DDAH1: variants seen among roughly 807,000 people sequenced by gnomAD.
DDAH1 encodes the protein N(G),N(G)-dimethylarginine dimethylaminohydrolase 1.
In DDAH1, 19 loss-of-function variants were observed where a neutral mutation model predicts 28.8. That is an observed-to-expected ratio of 0.66 (90% CI 0.46 to 0.97). The LOEUF (loss-of-function observed/expected upper bound fraction) is 0.97, where lower values mean the gene tolerates loss of function less well. Among genes scored for constraint, DDAH1 ranks in the 50% least tolerant of loss-of-function variants. The pLI is 0.00. For synonymous variants in DDAH1, 153 were observed against 154.4 expected (o/e 0.99, Z 0.07); for missense variants, 326 against 375.9 (o/e 0.87, Z 1.10).
chr1:85,345,974 C>T (rs1234925751), intron 4 of DDAH1, among the ~76,000 whole-genome samples: 3 of 152,160 alleles, frequency 2.0e-5, no homozygotes, highest in African/African-American at 7.2e-5. Context: ...ATACAATGCA[C>T]ACACTATTAA....
At chr1:85,323,476 C>T (rs1389363502) in intron 5 of DDAH1, among the ~76,000 whole-genome samples, 1 of 152,188 alleles carries the variant, frequency 6.6e-6, no homozygotes, top group East Asian at 1.9e-4. Flanking sequence ...CCAGGAAAAG[C>T]ATTCCAGATC....
At chr1:85,435,407 A>G (rs1186403774) in intron 1 of DDAH1, 1 of 152,242 alleles carries the variant, frequency 6.6e-6, no homozygotes, top group Non-Finnish European at 1.5e-5. Context: ...CATTCACTAA[A>G]TATTCATTGA....
At chr1:85,364,288 A>G (rs189317569) in intron 1 of DDAH1, among the ~76,000 whole-genome samples, 211 of 152,268 alleles carry the variant, frequency 1.4e-3, no homozygotes, top group Non-Finnish European at 2.6e-3. Context: ...TCCACTGGAT[A>G]TTGTAAGATC....
intron 4 of DDAH1, among the ~76,000 whole-genome samples, chr1:85,344,178 C>A (rs1648687424): frequency 6.6e-6 from 1 of 152,160 alleles, no homozygotes; most frequent in South Asian, 2.1e-4. Context: ...TCTCATAATT[C>A]TTTTCTTACC....
At chr1:85,342,496 G>T (rs535365933) in intron 4 of DDAH1, among the ~76,000 whole-genome samples, 1 of 151,894 alleles carries the variant, frequency 6.6e-6, no homozygotes, top group East Asian at 1.9e-4. Context: ...TTGGTAACTT[G>T]GAATATTTTA....
intron 1 of DDAH1, among the ~76,000 whole-genome samples, chr1:85,559,382 A>G (rs1659076543): frequency 6.6e-6 from 1 of 152,226 alleles, no homozygotes; most frequent in Non-Finnish European, 1.5e-5. Context: ...ACAAAGCTCA[A>G]TACTATTTAA....
At chr1:85,347,108 A>C (rs1224718445) in intron 4 of DDAH1, among the ~76,000 whole-genome samples, 2 of 152,132 alleles carry the variant, frequency 1.3e-5, no homozygotes, top group Non-Finnish European at 2.9e-5. Context: ...TTAAAAAGTC[A>C]GGAAACAACA....
At chr1:85,529,736 G>A (rs1357542595) in intron 1 of DDAH1, among the ~76,000 whole-genome samples, 1 of 146,776 alleles carries the variant, frequency 6.8e-6, no homozygotes, top group Non-Finnish European at 1.5e-5. Flanking sequence ...TATCCTGTTC[G>A]ATGTTGCGTC....
intron 1 of DDAH1, among the ~76,000 whole-genome samples, chr1:85,441,097 C>T (rs781025570): frequency 6.6e-6 from 1 of 152,228 alleles, no homozygotes; most frequent in African/African-American, 2.4e-5. Flanking sequence ...GGCTCCATGT[C>T]TGACAGATGC....
intron 1 of DDAH1, among the ~76,000 whole-genome samples, chr1:85,522,352 C>A (rs1657721392): frequency 1.1e-5 from 1 of 88,874 alleles, no homozygotes; most frequent in Non-Finnish European, 2.3e-5. Context: ...TATATTTCTC[C>A]ACACACACTC....
chr1:85,496,297 T>TA (rs1254554044), intron 1 of DDAH1: 1 of 820,900 alleles, frequency 1.2e-6, no homozygotes, highest in Non-Finnish European at 1.5e-6. Flanking sequence ...AATGGAGAAA[T>TA]ATGGAAGCAG....
At chr1:85,340,018 A>G (rs1648375797) in intron 4 of DDAH1, among the ~76,000 whole-genome samples, 1 of 152,146 alleles carries the variant, frequency 6.6e-6, no homozygotes, top group Non-Finnish European at 1.5e-5. Flanking sequence ...TAAACAATCT[A>G]ACACTGCTAG....
Position 85,511,441 on chromosome 1 carries a change from C to G in DDAH1, c.-122-15160G>C, listed in dbSNP as rs556413139. Among the ~76,000 whole-genome samples, 60 of 152,184 alleles carry G rather than the reference C, an allele frequency of 3.9e-4. No homozygotes were observed. The South Asian group carries it at 0.01, about 26-fold the overall frequency. ...CATCATAACATCACAATTAAAAGAA[C>G]TAGAGAAGCAAGAGCAAACACATTC... On this transcript the variant is annotated intron_variant, in intron 1 of 6. Transcript: ENST00000426972.
chr1:85,565,381 AAAC>A (rs1005227011), intron 1 of DDAH1, among the ~76,000 whole-genome samples: 6 of 152,188 alleles, frequency 3.9e-5, no homozygotes, highest in African/African-American at 1.4e-4. Flanking sequence ...TGAGTGCATA[AAAC>A]AACGGGTTAA....
At chr1:85,389,640 T>C (rs1366143630) in intron 1 of DDAH1, among the ~76,000 whole-genome samples, 2 of 152,196 alleles carry the variant, frequency 1.3e-5, no homozygotes, top group African/African-American at 4.8e-5. Flanking sequence ...TATATAACCA[T>C]GTAATGTACG....
intron 1 of DDAH1, among the ~76,000 whole-genome samples, chr1:85,442,599 A>G (rs1261681): frequency 0.82 from 125,056 of 152,162 alleles, 51,533 homozygotes; most frequent in Middle Eastern, 0.91. Context: ...TTGAGGAATC[A>G]CCACACTATC....
At chr1:85,476,493 C>T (rs992357654) in intron 2 of DDAH1, among the ~76,000 whole-genome samples, 5 of 152,050 alleles carry the variant, frequency 3.3e-5, no homozygotes, top group African/African-American at 9.7e-5. Flanking sequence ...ACCCCCAGCT[C>T]ACCCCCTCCA....
At chr1:85,524,884 C>T (rs1657810935) in intron 1 of DDAH1, among the ~76,000 whole-genome samples, 1 of 135,772 alleles carries the variant, frequency 7.4e-6, no homozygotes, top group South Asian at 2.6e-4. Flanking sequence ...AAGAAATCAT[C>T]CCAGTACTTA....
At chr1:85,572,551 T>C (rs2297139) in intron 1 of DDAH1, among the ~76,000 whole-genome samples, 24,320 of 152,216 alleles carry the variant, frequency 0.16, 2,433 homozygotes, top group Admixed American at 0.25. Flanking sequence ...TCCTACAGAG[T>C]TGTTTATAAA....
Sources: gnomAD v4.1 joint callset for allele counts (sites outside exome capture counted in the v4.1 genomes callset) on GRCh38, gnomAD v4.1.1 for gene constraint, MANE v1.5 for transcripts, NCBI Gene and HGNC (gene_info 2026-07-23, HGNC 2026-07-21) for gene names.